Variants in BNC2 observed in about 807,000 individuals in gnomAD.
BNC2 encodes basonuclin zinc finger protein 2, also known as zinc finger protein basonuclin-2.
In BNC2, 20 loss-of-function variants were observed where a neutral mutation model predicts 76.3. The ratio of observed to expected loss-of-function variants is 0.26; its 90% confidence interval spans 0.18 to 0.38. The LOEUF is 0.38. Among genes scored for constraint, BNC2 ranks in the 10% least tolerant of loss-of-function variants. BNC2 has a pLI of 1.00. For synonymous variants in BNC2, 582 were observed against 514.8 expected (o/e 1.13, Z -1.77); for missense variants, 1,382 against 1,399.8 (o/e 0.99, Z 0.20).
rs112308304 is a variant in BNC2 at position 16,521,977 on chromosome 9, CATT to C, written c.669+30550_669+30552del. 7.2e-5 allele frequency among the ~76,000 whole-genome samples: 11 copies of C among 152,334 alleles called. 3 individuals carry two copies. Among genetic ancestry groups the C allele is most frequent in the African/African-American group, 2.6e-4 (11 of 41,580 alleles). On this transcript the variant is annotated intron_variant, in intron 5 of 6. Transcript: ENST00000380672. ...TCCTCTTTTGCCAGAGGCACTCACT[CATT>C]ATATAAATCAAACAAGCACACAGCA... is the stretch of plus-strand genomic sequence containing the variant.
intron 3 of BNC2, among the ~76,000 whole-genome samples, chr9:16,671,755 T>G (rs1175752810): frequency 6.6e-6 from 1 of 152,198 alleles, no homozygotes; most frequent in African/African-American, 2.4e-5. Flanking sequence ...TTTCACCATA[T>G]GCCTGAACTC....
At chr9:16,709,141 G>A (rs1188399292) in intron 3 of BNC2, among the ~76,000 whole-genome samples, 1 of 152,138 alleles carries the variant, frequency 6.6e-6, no homozygotes, top group African/African-American at 2.4e-5. Context: ...TTTCCTATTT[G>A]GGCTGAAGTG....
intron 1 of BNC2, among the ~76,000 whole-genome samples, chr9:16,796,888 T>G (rs964427988): frequency 1.1e-4 from 17 of 152,192 alleles, no homozygotes; most frequent in African/African-American, 4.1e-4. Flanking sequence ...CAAGGTCAAA[T>G]ACTGTCAAAT....
At chr9:16,642,654 G>A (rs1821520881) in intron 3 of BNC2, among the ~76,000 whole-genome samples, 1 of 152,158 alleles carries the variant, frequency 6.6e-6, no homozygotes, top group African/African-American at 2.4e-5. Flanking sequence ...AATATCCCAT[G>A]CTGTCTTAAG....
intron 5 of BNC2, among the ~76,000 whole-genome samples, chr9:16,461,819 A>G (rs1260023711): frequency 6.6e-6 from 1 of 152,162 alleles, no homozygotes; most frequent in East Asian, 1.9e-4. Context: ...CAAGTATAAG[A>G]GTTATTTTGT....
chr9:16,580,947 C>T (rs1819614744), intron 4 of BNC2, among the ~76,000 whole-genome samples: 1 of 152,134 alleles, frequency 6.6e-6, no homozygotes, highest in Non-Finnish European at 1.5e-5. Context: ...GTGACAGAGC[C>T]AGGATTTGAC....
intron 5 of BNC2, among the ~76,000 whole-genome samples, chr9:16,453,602 A>G (rs1203159183): frequency 6.6e-6 from 1 of 152,164 alleles, no homozygotes; most frequent in African/African-American, 2.4e-5. Flanking sequence ...TTCTGGTGTC[A>G]AGGTGCTTTT....
At chr9:16,670,607 GGAAATGCGTT>G (rs1311619579) in intron 3 of BNC2, among the ~76,000 whole-genome samples, 1 of 152,152 alleles carries the variant, frequency 6.6e-6, no homozygotes, top group African/African-American at 2.4e-5. Flanking sequence ...TTAATAAAAG[GGAAATGCGTT>G]ACCTATTCTA....
chr9:16,498,052 T>C (rs963357814), intron 5 of BNC2, among the ~76,000 whole-genome samples: 1 of 149,242 alleles, frequency 6.7e-6, no homozygotes, highest in African/African-American at 2.5e-5. Flanking sequence ...CCATCATATA[T>C]ATTCCATCAT....
intron 5 of BNC2, among the ~76,000 whole-genome samples, chr9:16,489,217 T>A (rs1822224201): frequency 1.3e-5 from 2 of 152,234 alleles, no homozygotes; most frequent in Admixed American, 1.3e-4. Flanking sequence ...TTGGTTTTTG[T>A]AATACATCTT....
rs3084426 is a variant in BNC2, at chr9:16,777,700, CA to C, written c.4-39216del. Among the ~76,000 whole-genome samples, 291 of 100,448 alleles carry C rather than the reference CA, an allele frequency of 2.9e-3. 1 individual carries two copies. The highest frequency in any genetic ancestry group is 9.4e-3 in the African/African-American group (199 of 21,096). 65.9% of individuals were successfully genotyped at this position (100,448 alleles called of 152,430 possible). ...TTGGCGACAGGGCAAGACTCCATCT[CA>C]AAAAAAAAAAAAAAAAGAACTGTTA... On this transcript the variant is annotated intron_variant, in intron 1 of 6. Coordinates refer to ENST00000380672, the MANE Select transcript of BNC2 (RefSeq NM_017637.6).
At chr9:16,844,638 A>T (rs1818920221) in intron 1 of BNC2, among the ~76,000 whole-genome samples, 1 of 151,814 alleles carries the variant, frequency 6.6e-6, no homozygotes, top group Non-Finnish European at 1.5e-5. Flanking sequence ...AGCTGGGACT[A>T]CAGGCACCCG....
chr9:16,558,039 G>C (rs1818892775), intron 4 of BNC2, among the ~76,000 whole-genome samples: 2 of 152,080 alleles, frequency 1.3e-5, no homozygotes, highest in Non-Finnish European at 2.9e-5. Flanking sequence ...GTAGAGATGG[G>C]GTTTCCCCAT....
chr9:16,870,557 C>T, intron 1 of BNC2, 89 bp downstream of exon 1: 2 of 1,482,860 alleles, frequency 1.3e-6, no homozygotes, highest in Non-Finnish European at 1.8e-6. Flanking sequence ...GCGGACACGG[C>T]CCCCGGGCGG....
intron 1 of BNC2, among the ~76,000 whole-genome samples, chr9:16,834,876 G>C (rs1378170980): frequency 6.6e-6 from 1 of 151,988 alleles, no homozygotes; most frequent in Non-Finnish European, 1.5e-5. Context: ...TTTTAAGTGA[G>C]ATGTTAATAA....
In BNC2 at chr9:16,410,411, G is replaced by T. The variant is rs16934607; in HGVS notation, c.*8578C>A. The T allele has an allele frequency of 6.6e-6, 1 of 152,646 alleles. No individual in the cohort carries two copies. The highest frequency in any genetic ancestry group is 1.9e-4 in the East Asian group (1 of 5,174). 9.5% of individuals were successfully genotyped at this position (152,646 alleles called of 1,614,324 possible). A position where few individuals can be genotyped will look rare whatever the true frequency, so the allele number is the denominator to read the frequency against. The stretch of plus-strand genomic sequence containing the variant: ...CAAGTCTTCTCCCCATTTCTCGACC[G>T]TCCTCACCCCTCTGACCTTCATGTA... On this transcript the variant is annotated 3_prime_UTR_variant, in exon 7 of 7. Transcript: ENST00000380672.
intron 3 of BNC2, among the ~76,000 whole-genome samples, chr9:16,630,745 G>GTTTTTTTTTTTTTT (rs1237990061): frequency 1.4e-5 from 1 of 73,820 alleles, no homozygotes; most frequent in Admixed American, 1.1e-4. Context: ...AATGTGGAGC[G>GTTTTTTTTTTTTTT]TTTCTTTTTT....
At chr9:16,544,124 C>G (rs772686501) in intron 5 of BNC2, among the ~76,000 whole-genome samples, 13 of 152,060 alleles carry the variant, frequency 8.5e-5, no homozygotes, top group Non-Finnish European at 1.2e-4. Context: ...TCTGGGTGAT[C>G]TGAATATTTT....
chr9:16,527,383 C>CG (rs1324776001), intron 5 of BNC2, among the ~76,000 whole-genome samples: 2 of 152,186 alleles, frequency 1.3e-5, no homozygotes, highest in African/African-American at 4.8e-5. Flanking sequence ...CTCCCCCAGA[C>CG]CCCTGTCTAC....
Sources: allele counts gnomAD v4.1 joint callset (sites outside exome capture counted in the v4.1 genomes callset), GRCh38; gene constraint gnomAD v4.1.1; transcripts MANE v1.5; gene names NCBI Gene and HGNC (gene_info 2026-07-23, HGNC 2026-07-21).